GFRA1: variants seen among roughly 807,000 people sequenced by gnomAD.
GFRA1 encodes GDNF family receptor alpha 1, also known as GDNF family receptor alpha-1.
GFRA1 carries 16 observed loss-of-function variants against 51.6 expected under a neutral mutation model. That is an observed-to-expected ratio of 0.31 (90% CI 0.21 to 0.47). The LOEUF (loss-of-function observed/expected upper bound fraction) is 0.47, where lower values mean the gene tolerates loss of function less well. Ranked by LOEUF, GFRA1 falls within the 20% of genes least tolerant of loss-of-function variation. The pLI, the probability that GFRA1 is intolerant of heterozygous loss-of-function variation, is 1.00. For missense variants in GFRA1, 530 were observed against 594.3 expected, an observed-to-expected ratio of 0.89 and a Z score of 1.13; for synonymous variants, 270 against 241.3, an observed-to-expected ratio of 1.12 and a Z score of -1.10.
At chr10:116,080,198 C>T (rs923367967) in intron 9 of GFRA1, among the ~76,000 whole-genome samples, 1 of 152,164 alleles carries the variant, frequency 6.6e-6, no homozygotes, top group Admixed American at 6.5e-5. Flanking sequence ...TCTGAGCATG[C>T]TTTACACTCA....
At chr10:116,179,799 A>G (rs1051173434) in intron 5 of GFRA1, among the ~76,000 whole-genome samples, 10 of 152,210 alleles carry the variant, frequency 6.6e-5, no homozygotes, top group African/African-American at 2.4e-4. Context: ...AAGGTTCTGA[A>G]GAATCAGCAG....
intron 5 of GFRA1, among the ~76,000 whole-genome samples, chr10:116,147,272 C>T (rs1589824263): frequency 6.6e-6 from 1 of 152,076 alleles, no homozygotes; most frequent in African/African-American, 2.4e-5. Flanking sequence ...GGGAGTTCTG[C>T]AGAAATAGCT....
chr10:116,202,360 G>A (rs140990262), intron 5 of GFRA1, among the ~76,000 whole-genome samples: 83 of 152,234 alleles, frequency 5.5e-4, no homozygotes, highest in African/African-American at 1.7e-3. Context: ...AGCATTGGGC[G>A]GCACCTTCTC....
intron 5 of GFRA1, among the ~76,000 whole-genome samples, chr10:116,162,817 G>T (rs1231373137): frequency 6.6e-6 from 1 of 152,080 alleles, no homozygotes; most frequent in Non-Finnish European, 1.5e-5. Context: ...AAAAAAAAAA[G>T]GACTATGACT....
intron 9 of GFRA1, among the ~76,000 whole-genome samples, chr10:116,080,246 T>A (rs1433023037): frequency 1.3e-5 from 2 of 152,198 alleles, no homozygotes; most frequent in Non-Finnish European, 2.9e-5. Flanking sequence ...AGGAAGCTCT[T>A]CTACTGTCAT....
intron 5 of GFRA1, among the ~76,000 whole-genome samples, chr10:116,179,153 A>G (rs576081317): frequency 6.6e-6 from 1 of 152,322 alleles, no homozygotes; most frequent in East Asian, 1.9e-4. Context: ...CAGCCTCAGC[A>G]CCAAATGGCT....
At chr10:116,234,412 A>G (rs143822417) in intron 4 of GFRA1, among the ~76,000 whole-genome samples, 1 of 152,182 alleles carries the variant, frequency 6.6e-6, no homozygotes, top group Non-Finnish European at 1.5e-5. Flanking sequence ...CACCTGAAAC[A>G]GGTGTTTTTG....
intron 5 of GFRA1, among the ~76,000 whole-genome samples, chr10:116,166,564 C>T (rs931292091): frequency 7.2e-5 from 11 of 152,044 alleles, no homozygotes; most frequent in Admixed American, 3.9e-4. Flanking sequence ...CACCTTCCCC[C>T]GGCCGTGCAG....
At chr10:116,072,305 G>A (rs1313472879) in intron 9 of GFRA1, among the ~76,000 whole-genome samples, 1 of 152,200 alleles carries the variant, frequency 6.6e-6, no homozygotes, top group Non-Finnish European at 1.5e-5. Context: ...GTCCACTAGT[G>A]TGGCCCGTGG....
chr10:116,257,559 T>G (rs984529663), intron 4 of GFRA1, among the ~76,000 whole-genome samples: 8 of 152,136 alleles, frequency 5.3e-5, no homozygotes, highest in African/African-American at 1.9e-4. Context: ...TCATTTTTTG[T>G]TTTCCCAGAA....
rs745621946 is a variant in GFRA1, at chr10:116,064,372, G to A, written c.*26C>T. On this transcript the variant is annotated 3_prime_UTR_variant, in exon 11 of 11. Transcript: ENST00000355422. ...TAACTTGGTTTTTGTCTTTTTACATGTCCATATTGTATTTTTTTAATGCAG... is the reference window on the plus strand; with the variant it reads ...TAACTTGGTTTTTGTCTTTTTACATATCCATATTGTATTTTTTTAATGCAG... The A allele has an allele frequency of 2.5e-6, 4 of 1,601,384 alleles. No individual in the cohort carries two copies. The highest frequency in any genetic ancestry group is 2.7e-5 in the African/African-American group (2 of 74,484).
At chr10:116,229,448 T>C (rs1966544959) in intron 4 of GFRA1, among the ~76,000 whole-genome samples, 1 of 152,166 alleles carries the variant, frequency 6.6e-6, no homozygotes, top group Non-Finnish European at 1.5e-5. Context: ...CCCTACAGAA[T>C]CCTCAGTCCT....
chr10:116,074,571 C>T (rs1955535487), intron 9 of GFRA1, among the ~76,000 whole-genome samples: 1 of 152,324 alleles, frequency 6.6e-6, no homozygotes, highest in Non-Finnish European at 1.5e-5. Flanking sequence ...GAGGTTTCTG[C>T]TCCTCCAAGA....
intron 5 of GFRA1, among the ~76,000 whole-genome samples, chr10:116,143,179 C>T (rs1026417222): frequency 2.6e-4 from 40 of 152,158 alleles, no homozygotes. Context: ...TCATATACTC[C>T]AAGTGTATAT....
Position 116,064,523 on chromosome 10 carries a change from G to C in GFRA1, c.1273C>G (p.Leu425Val). ...ISNGNYEKEG[L>V]GASSHITTKS... Reference sequence around the variant, plus strand: ...GTGGTTATGTGGCTGGAAGCACCGAGACCTTCTTTTTCATAATTACCCTGT... The same window carrying C: ...GTGGTTATGTGGCTGGAAGCACCGACACCTTCTTTTTCATAATTACCCTGT... The change falls in exon 11 of 11, where the codon CTC becomes GTC. Residue 425 changes from leucine (L) to valine (V), a missense_variant. Coordinates refer to ENST00000355422, the MANE Select transcript of GFRA1 (RefSeq NM_005264.8). The C allele has an allele frequency of 6.2e-7, 1 of 1,613,242 alleles. No homozygotes were observed. Among genetic ancestry groups the C allele is most frequent in the South Asian group, 1.1e-5 (1 of 91,016 alleles).
At chr10:116,093,546 A>G (rs1417893075) in intron 8 of GFRA1, among the ~76,000 whole-genome samples, 156 bp downstream of exon 8, 1 of 152,200 alleles carries the variant, frequency 6.6e-6, no homozygotes. Flanking sequence ...CTAAGCAGAA[A>G]GGGAGAAAGA....
Position 116,064,167 on chromosome 10 carries a change from C to T in GFRA1, c.*231G>A. The T allele has an allele frequency of 5.8e-6, 3 of 515,068 alleles. No homozygotes were observed. The highest frequency in any genetic ancestry group is 3.9e-5 in the African/African-American group (2 of 51,266). The allele number at this position is 515,068 out of a possible 1,614,324, so 31.9% of individuals were successfully genotyped here. A position where few individuals can be genotyped will look rare whatever the true frequency, so the allele number is the denominator to read the frequency against. The stretch of plus-strand genomic sequence containing the variant: ...TACAAACTGTCCCTTTAAAATACAG[C>T]ATATCCCAAAGCCTTCTGAGTTTGG... On this transcript the variant is annotated 3_prime_UTR_variant, in exon 11 of 11. Coordinates refer to ENST00000355422, the MANE Select transcript of GFRA1 (RefSeq NM_005264.8).
chr10:116,270,612 G>A (rs1446107410), intron 3 of GFRA1, among the ~76,000 whole-genome samples: 1 of 151,778 alleles, frequency 6.6e-6, no homozygotes, highest in East Asian at 2.0e-4. Flanking sequence ...CCCAGCCCCC[G>A]TCCTCCTCAT....
At chr10:116,126,692 G>A (rs566279815) in intron 5 of GFRA1, among the ~76,000 whole-genome samples, 4 of 152,294 alleles carry the variant, frequency 2.6e-5, no homozygotes, top group East Asian at 3.9e-4. Context: ...GAGACACCCC[G>A]GCAAGTTCCT....
Sources: gnomAD v4.1 joint callset for allele counts (sites outside exome capture counted in the v4.1 genomes callset) on GRCh38, gnomAD v4.1.1 for gene constraint, MANE v1.5 for transcripts, NCBI Gene and HGNC (gene_info 2026-07-23, HGNC 2026-07-21) for gene names.